Variants in ATF3 observed in about 807,000 individuals in gnomAD.
ATF3 encodes cyclic AMP-dependent transcription factor ATF-3.
A neutral mutation model predicts 18.4 loss-of-function variants in ATF3; 10 were observed. That is an observed-to-expected ratio of 0.54 (90% confidence interval 0.34 to 0.92). The LOEUF (loss-of-function observed/expected upper bound fraction) is 0.92, where lower values mean the gene tolerates loss of function less well. Among genes scored for constraint, ATF3 ranks in the 40% least tolerant of loss-of-function variants. ATF3 has a pLI of 0.02. For missense variants in ATF3, 183 were observed against 222.3 expected (o/e 0.82, Z 1.12); for synonymous variants, 78 against 87.9 (o/e 0.89, Z 0.63).
rs1460682535 is a variant in ATF3 at position 212,618,201 on chromosome 1, CAAG to C, written c.322_324del (p.Lys108del). On this transcript the variant is annotated inframe_deletion, in exon 3 of 4. Coordinates refer to ENST00000341491, the MANE Select transcript of ATF3 (RefSeq NM_001674.4). The surrounding 1 kb of genome is among the most constrained non-coding windows in gnomAD (Gnocchi z 4.4). ...AGATTGCAGCTGCAAAGTGCCGAAACAAGAAGAAGGAGAAGACGGAGTGCCTGC... is the reference window on the plus strand; with the variant it reads ...AGATTGCAGCTGCAAAGTGCCGAAACAAGAAGGAGAAGACGGAGTGCCTGC... 8 of 1,614,090 alleles carry C rather than the reference CAAG, an allele frequency of 5.0e-6. No homozygotes were observed. Among genetic ancestry groups the C allele is most frequent in the South Asian group, 1.1e-5 (1 of 91,084 alleles).
chr1:212,606,756 A>G (rs1654634306), upstream of ATF3, among the ~76,000 whole-genome samples: 1 of 152,238 alleles, frequency 6.6e-6, no homozygotes, highest in African/African-American at 2.4e-5. Flanking sequence ...TAAAATAGCT[A>G]AGTAGAGATA....
intron 1 of ATF3, among the ~76,000 whole-genome samples, chr1:212,588,574 T>C (rs1664821705): frequency 6.6e-6 from 1 of 152,140 alleles, no homozygotes; most frequent in Non-Finnish European, 1.5e-5. Flanking sequence ...ATCAAAGTAA[T>C]ACATGTACAG....
At chr1:212,606,270 G>A (rs1654622231), upstream of ATF3, among the ~76,000 whole-genome samples, 1 of 152,182 alleles carries the variant, frequency 6.6e-6, no homozygotes, top group African/African-American at 2.4e-5. Context: ...ATTCAAGTGG[G>A]AGTGGACTTA....
chr1:212,612,230 A>G lies in ATF3; in HGVS notation c.-4-2788A>G, dbSNP rs11571531. Among the ~76,000 whole-genome samples the G allele has an allele frequency of 3.2e-3, 491 of 152,340 alleles. 3 individuals carry two copies. The highest frequency in any genetic ancestry group is 0.011 in the African/African-American group (457 of 41,564). Reference sequence around the variant, plus strand: ...CCCACCCAATGCTTTTCATAAAAGCATTCCATACCACTGACATTCTTCAGC... The same window carrying G: ...CCCACCCAATGCTTTTCATAAAAGCGTTCCATACCACTGACATTCTTCAGC... On this transcript the variant is annotated intron_variant, in intron 1 of 3. Coordinates refer to ENST00000341491, the MANE Select transcript of ATF3 (RefSeq NM_001674.4).
chr1:212,618,069 T>G lies in ATF3; in HGVS notation c.241-58T>G. On this transcript the variant is annotated intron_variant, in intron 2 of 3. Coordinates refer to ENST00000341491, the MANE Select transcript of ATF3 (RefSeq NM_001674.4). This position sits in a 1 kb window ranked among gnomAD's most constrained non-coding sequence, Gnocchi z 4.4. ...TTTGCTGGCAGTAAAAGGCAGTGTA[T>G]TTGAGGTAGGTGGCATTTCTTACTG... The G allele has an allele frequency of 6.4e-7, 1 of 1,554,070 alleles. No individual in the cohort carries two copies. Among genetic ancestry groups the G allele is most frequent in the Non-Finnish European group, 8.9e-7 (1 of 1,127,502 alleles).
At chr1:212,597,382 A>G (rs1191196833) in intron 1 of ATF3, among the ~76,000 whole-genome samples, 3 of 151,998 alleles carry the variant, frequency 2.0e-5, no homozygotes, top group African/African-American at 7.2e-5. Flanking sequence ...CCATTTACTA[A>G]TGTGTTGTTA....
chr1:212,579,918 G>A (rs1008294889), intron 1 of ATF3, among the ~76,000 whole-genome samples: 2 of 152,034 alleles, frequency 1.3e-5, no homozygotes, highest in African/African-American at 4.8e-5. Flanking sequence ...GCCGAGGCAG[G>A]TGGATCATGA....
In ATF3 at chr1:212,618,147, A is replaced by G. The variant is rs1036748629; in HGVS notation, c.261A>G (p.Glu87=). Reference sequence around the variant, plus strand: ...TACAGGTAGCCCCTGAAGAAGATGAAAGGAAAAAGAGGCGACGAGAAAGAA... The same window carrying G: ...TACAGGTAGCCCCTGAAGAAGATGAGAGGAAAAAGAGGCGACGAGAAAGAA... ...TKAEVAPEED[E]RKKRRRERNK... is the part of the protein sequence containing the mutation. Residue 87 remains glutamate, a synonymous_variant, in exon 3 of 4, where the codon GAA becomes GAG. Coordinates refer to ENST00000341491, the MANE Select transcript of ATF3 (RefSeq NM_001674.4). The surrounding 1 kb of genome is among the most constrained non-coding windows in gnomAD (Gnocchi z 4.4). The G allele has an allele frequency of 6.2e-7, 1 of 1,614,162 alleles. No homozygotes were observed. Among genetic ancestry groups the G allele is most frequent in the Non-Finnish European group, 8.5e-7 (1 of 1,180,002 alleles).
At chr1:212,586,483 C>T (rs1435234784) in intron 1 of ATF3, among the ~76,000 whole-genome samples, 1 of 152,212 alleles carries the variant, frequency 6.6e-6, no homozygotes, top group Non-Finnish European at 1.5e-5. Flanking sequence ...CAATGCCTGG[C>T]ATGCAGTGAG....
intron 2 of ATF3, among the ~76,000 whole-genome samples, chr1:212,617,233 G>C (rs1174134106): frequency 6.6e-6 from 1 of 152,174 alleles, no homozygotes; most frequent in Middle Eastern, 3.2e-3. Flanking sequence ...ACAGCCTTGG[G>C]ACCAGGTGTT....
At chr1:212,576,418 A>G (rs1235123896) in intron 1 of ATF3, among the ~76,000 whole-genome samples, 1 of 151,832 alleles carries the variant, frequency 6.6e-6, no homozygotes, top group Non-Finnish European at 1.5e-5. Flanking sequence ...TTCCCTAAAT[A>G]TAATTTCTTT....
chr1:212,577,499 C>CA (rs1384346346), intron 1 of ATF3, among the ~76,000 whole-genome samples: 4 of 152,110 alleles, frequency 2.6e-5, no homozygotes, highest in African/African-American at 9.7e-5. Context: ...CAGTAGATCT[C>CA]AAACTTATTC....
intron 1 of ATF3, among the ~76,000 whole-genome samples, chr1:212,580,248 C>A (rs1262249174): frequency 6.6e-6 from 1 of 152,168 alleles, no homozygotes; most frequent in East Asian, 1.9e-4. Flanking sequence ...TTACTTGTAT[C>A]CTTCTTCTCT....
Position 212,583,329 on chromosome 1 carries a change from C to G in ATF3, c.-5+17846C>G, listed in dbSNP as rs1292601850. Among the ~76,000 whole-genome samples the G allele has an allele frequency of 3.9e-5, 6 of 152,256 alleles. No individual in the cohort carries two copies. In the East Asian group the frequency reaches 5.8e-4, roughly 15 times the overall value. ...TGCACTACACTCTGGAACCCCTGGGCTCAAGTGATCCTCCTGTTTCAGCCT... is the reference window on the plus strand; with the variant it reads ...TGCACTACACTCTGGAACCCCTGGGGTCAAGTGATCCTCCTGTTTCAGCCT... On this transcript the variant is annotated intron_variant, in intron 1 of 3. Coordinates refer to the ATF3 transcript ENST00000366981.
At chr1:212,567,989 CAGA>C (rs1459303237) in intron 1 of ATF3, among the ~76,000 whole-genome samples, 8 of 152,332 alleles carry the variant, frequency 5.3e-5, no homozygotes, top group Non-Finnish European at 7.3e-5. Flanking sequence ...TTGCCTATGT[CAGA>C]AGAAGAGCCT....
chr1:212,598,424 A>G (rs1016705061), intron 1 of ATF3, among the ~76,000 whole-genome samples: 1 of 152,238 alleles, frequency 6.6e-6, no homozygotes. Flanking sequence ...ATCTTGGGAA[A>G]TGGGGTATCC....
intron 1 of ATF3, among the ~76,000 whole-genome samples, chr1:212,582,072 C>T (rs1217296162): frequency 2.6e-5 from 4 of 152,128 alleles, no homozygotes; most frequent in Non-Finnish European, 5.9e-5. Flanking sequence ...TACAGGATTG[C>T]AAAATTTAGC....
intron 1 of ATF3, among the ~76,000 whole-genome samples, chr1:212,602,796 T>C (rs1654517598): frequency 6.6e-6 from 1 of 152,220 alleles, no homozygotes; most frequent in Non-Finnish European, 1.5e-5. Flanking sequence ...AGGGAACTAA[T>C]CCTCTCAAGG....
intron 1 of ATF3, among the ~76,000 whole-genome samples, chr1:212,578,112 A>C (rs571451585): frequency 6.6e-6 from 1 of 152,164 alleles, no homozygotes; most frequent in South Asian, 2.1e-4. Context: ...GATAATAGTC[A>C]CTCTGATGTG....
Sources: allele counts gnomAD v4.1 joint callset (sites outside exome capture counted in the v4.1 genomes callset), GRCh38; gene constraint gnomAD v4.1.1; non-coding constraint Gnocchi (gnomAD v3.1); transcripts MANE v1.5; gene names NCBI Gene and HGNC (gene_info 2026-07-23, HGNC 2026-07-21).